PRIM2: variants seen among roughly 807,000 people sequenced by gnomAD.
The protein encoded by PRIM2 is DNA primase subunit 2.
PRIM2 carries 39 observed loss-of-function variants against 67.3 expected under a neutral mutation model. That is an observed-to-expected ratio of 0.58 (90% confidence interval 0.45 to 0.76). PRIM2 has a LOEUF of 0.76. Among genes scored for constraint, PRIM2 ranks in the 30% least tolerant of loss-of-function variants. The probability of loss-of-function intolerance (pLI) is 0.00; values close to 1 mark genes in which losing one functional copy is unlikely to be tolerated. For synonymous variants in PRIM2, 143 were observed against 198.7 expected (o/e 0.72, Z 2.36); for missense variants, 398 against 598.7 (o/e 0.66, Z 3.50).
intron 10 of PRIM2, among the ~76,000 whole-genome samples, chr6:57,569,936 G>T (rs1464551988): frequency 6.6e-6 from 1 of 151,998 alleles, no homozygotes; most frequent in African/African-American, 2.4e-5. Flanking sequence ...TAGAGACAGG[G>T]TTTCACTATG....
chr6:57,558,660 AAT>A (rs1193210791), intron 10 of PRIM2, among the ~76,000 whole-genome samples: 2 of 150,810 alleles, frequency 1.3e-5, no homozygotes, highest in African/African-American at 2.4e-5. Flanking sequence ...TATCTTTCTT[AAT>A]ATATATATAT....
At chr6:57,470,411 TC>T (rs1773309096) in intron 7 of PRIM2, among the ~76,000 whole-genome samples, 1 of 57,128 alleles carries the variant, frequency 1.8e-5, no homozygotes, top group Admixed American at 2.2e-4. Context: ...CTCTCCCCTC[TC>T]CCCCTCTCCC....
At chr6:57,340,012 A>G (rs528114842) in intron 5 of PRIM2, among the ~76,000 whole-genome samples, 2 of 148,342 alleles carry the variant, frequency 1.3e-5, no homozygotes, top group East Asian at 2.0e-4. Flanking sequence ...ATTTATGAGG[A>G]AAAAAAAACA....
At chr6:57,559,314 A>G (rs1395218504) in intron 10 of PRIM2, among the ~76,000 whole-genome samples, 1 of 152,176 alleles carries the variant, frequency 6.6e-6, no homozygotes, top group African/African-American at 2.4e-5. Context: ...GTCACCCTTC[A>G]GCACTGTGTC....
chr6:57,374,799 C>T (rs1201072504), intron 5 of PRIM2, among the ~76,000 whole-genome samples: 1 of 152,180 alleles, frequency 6.6e-6, no homozygotes, highest in Non-Finnish European at 1.5e-5. Flanking sequence ...CCGTGTTGGG[C>T]AGTCATGAAC....
At chr6:57,619,902 A>G (rs1776821392) in intron 12 of PRIM2, among the ~76,000 whole-genome samples, 1 of 152,168 alleles carries the variant, frequency 6.6e-6, no homozygotes, top group Non-Finnish European at 1.5e-5. Flanking sequence ...ACATGCAAAT[A>G]TAAGAAGCAC....
At chr6:57,369,860 A>G (rs1338525665) in intron 5 of PRIM2, among the ~76,000 whole-genome samples, 1 of 152,224 alleles carries the variant, frequency 6.6e-6, no homozygotes, top group Admixed American at 6.5e-5. Context: ...TCACTTTATT[A>G]CTTGAGGAAA....
intron 3 of PRIM2, among the ~76,000 whole-genome samples, chr6:57,323,087 T>C (rs1344116919): frequency 6.6e-6 from 1 of 152,012 alleles, no homozygotes; most frequent in East Asian, 1.9e-4. Flanking sequence ...ATAGGGTTTT[T>C]TTTTTTTTAA....
intron 7 of PRIM2, among the ~76,000 whole-genome samples, chr6:57,426,149 A>T (rs1355276146): frequency 7.9e-5 from 12 of 152,200 alleles, no homozygotes; most frequent in Non-Finnish European, 1.3e-4. Context: ...ATATTTGGCA[A>T]AAGTATACAC....
intron 7 of PRIM2, among the ~76,000 whole-genome samples, chr6:57,387,405 A>G (rs1309673403): frequency 6.6e-6 from 1 of 152,168 alleles, no homozygotes; most frequent in Non-Finnish European, 1.5e-5. Flanking sequence ...TATAATGTGC[A>G]TTATATGGAT....
the PRIM2 span, among the ~76,000 whole-genome samples, chr6:57,271,040 T>C: frequency 2.0e-5 from 3 of 152,356 alleles, no homozygotes; most frequent in Admixed American, 6.5e-5. Context: ...CAGTATTTTA[T>C]TGAGGATTTT....
chr6:57,224,139 C>T, the PRIM2 span, among the ~76,000 whole-genome samples: 1 of 152,074 alleles, frequency 6.6e-6, no homozygotes, highest in Non-Finnish European at 1.5e-5. Flanking sequence ...ATTATTCAGC[C>T]TTAAAAAAGG....
chr6:57,646,021 C>G lies in PRIM2; in HGVS notation c.1393C>G (p.Pro465Ala). ...TGGTGGTAAAGACATAAAGAAGGAA[C>G]CTATCCAACCAGAAACTCCTCAACC... ...LNGGKDIKKE[P>A]IQPETPQPKP... The change falls in exon 14 of 14, where the codon CCT (proline) becomes GCT (alanine). Residue 465 changes from proline (P) to alanine (A), a missense_variant. Physicochemically the swap from Pro to Ala is conservative, Grantham distance 27. Around this residue, in one of 4 missense-constraint regions of PRIM2, gnomAD observed 72 missense variants for 89.4 expected, o/e 0.81. Coordinates refer to ENST00000615550, the MANE Select transcript of PRIM2 (RefSeq NM_000947.5). The G allele has an allele frequency of 1.3e-6, 2 of 1,540,392 alleles. No homozygotes were observed. The highest frequency in any genetic ancestry group is 2.2e-5 in the East Asian group (1 of 44,606).
chr6:57,283,957 G>T, the PRIM2 span, among the ~76,000 whole-genome samples: 1 of 151,988 alleles, frequency 6.6e-6, no homozygotes, highest in African/African-American at 2.4e-5. Flanking sequence ...AATTAACTTT[G>T]CATGACATGG....
chr6:57,269,481 GT>G, the PRIM2 span, among the ~76,000 whole-genome samples: 1 of 151,914 alleles, frequency 6.6e-6, no homozygotes, highest in East Asian at 1.9e-4. Flanking sequence ...TGATGGGATT[GT>G]TTTTTTCTTG....
chr6:57,398,052 C>T (rs553645000), intron 7 of PRIM2, among the ~76,000 whole-genome samples: 8 of 151,566 alleles, frequency 5.3e-5, no homozygotes, highest in African/African-American at 1.2e-4. Context: ...CTCTGCCTCC[C>T]GGGTTCAAGC....
chr6:57,281,965 G>A, the PRIM2 span, among the ~76,000 whole-genome samples: 1 of 152,238 alleles, frequency 6.6e-6, no homozygotes, highest in South Asian at 2.1e-4. Context: ...CTAAAGTCCT[G>A]GGTTGAATCA....
intron 7 of PRIM2, among the ~76,000 whole-genome samples, chr6:57,501,187 G>A (rs1774122620): frequency 1.3e-5 from 2 of 151,972 alleles, no homozygotes; most frequent in Non-Finnish European, 2.9e-5. Context: ...AATTTAAGAG[G>A]GAAGTCTAAA....
At chr6:57,485,473 T>C (rs1170772341) in intron 7 of PRIM2, among the ~76,000 whole-genome samples, 13,321 of 150,678 alleles carry the variant, frequency 0.088, 672 homozygotes, top group East Asian at 0.21. Flanking sequence ...TGAATTAGGT[T>C]GGAGTTAGAT....
Sources: gnomAD v4.1 joint callset for allele counts (sites outside exome capture counted in the v4.1 genomes callset) on GRCh38, gnomAD v4.1.1 for gene constraint, gnomAD v4.1.1 regional missense constraint, MANE v1.5 for transcripts, NCBI Gene and HGNC (gene_info 2026-07-23, HGNC 2026-07-21) for gene names.